EIF5B: variants seen among roughly 807,000 people sequenced by gnomAD.
The protein encoded by EIF5B is eukaryotic translation initiation factor 5B.
EIF5B carries 47 observed loss-of-function variants against 147.5 expected under a neutral mutation model. That is an observed-to-expected ratio of 0.32 (90% CI 0.25 to 0.41). The LOEUF (loss-of-function observed/expected upper bound fraction) is 0.41, where lower values mean the gene tolerates loss of function less well. Ranked by LOEUF, EIF5B falls within the 10% of genes least tolerant of loss-of-function variation. The pLI, the probability that EIF5B is intolerant of heterozygous loss-of-function variation, is 1.00. For synonymous variants in EIF5B, 455 were observed against 456.2 expected, an observed-to-expected ratio of 1.00 and a Z score of 0.03; for missense variants, 1,064 against 1,413.2, an observed-to-expected ratio of 0.75 and a Z score of 3.96.
At chr2:99,342,151 T>A (rs1574915775) in intron 1 of EIF5B, among the ~76,000 whole-genome samples, 1 of 152,220 alleles carries the variant, frequency 6.6e-6, no homozygotes, top group Non-Finnish European at 1.5e-5. Context: ...GTGCTGAGAA[T>A]GCTTGAGAAT....
Position 99,400,485 on chromosome 2 carries a change from A to T in EIF5B, c.*1071A>T, listed in dbSNP as rs1255863468. 4 of 152,230 alleles carry T rather than the reference A, an allele frequency of 2.6e-5. No homozygotes were observed. In the East Asian group the frequency reaches 7.7e-4, roughly 29 times the overall value. 9.4% of individuals were successfully genotyped at this position (152,230 alleles called of 1,614,324 possible). A position where few individuals can be genotyped will look rare whatever the true frequency, so the allele number is the denominator to read the frequency against. On this transcript the variant is annotated 3_prime_UTR_variant, in exon 24 of 24. Coordinates refer to ENST00000289371, the MANE Select transcript of EIF5B (RefSeq NM_015904.4). ...AAATATCCACTAGCATAGAATTTTA[A>T]ACTATTTTTATTTTAAAGTTATGGC... is the stretch of plus-strand genomic sequence containing the variant.
At chr2:99,378,029 T>C (rs911264601) in intron 10 of EIF5B, among the ~76,000 whole-genome samples, 4 of 152,188 alleles carry the variant, frequency 2.6e-5, no homozygotes, top group Non-Finnish European at 5.9e-5. Flanking sequence ...AATAAAGTCA[T>C]GATGTTTGAA....
intron 6 of EIF5B, among the ~76,000 whole-genome samples, chr2:99,365,125 A>G (rs1305462740): frequency 2.0e-5 from 3 of 152,200 alleles, no homozygotes; most frequent in Admixed American, 6.5e-5. Flanking sequence ...TCCTGCTCCT[A>G]TATTCCCTAG....
intron 12 of EIF5B, among the ~76,000 whole-genome samples, chr2:99,380,906 G>C (rs929358176): frequency 1.9e-4 from 29 of 152,238 alleles, no homozygotes; most frequent in Admixed American, 1.8e-3. Context: ...AAAGTCATTG[G>C]CCACATATAA....
intron 12 of EIF5B, 52 bp from the exon 13 acceptor site, chr2:99,382,107 A>C: frequency 6.7e-7 from 1 of 1,482,642 alleles, no homozygotes; most frequent in Non-Finnish European, 9.4e-7. Flanking sequence ...TCTGTAAAGA[A>C]GCTTTCATGT....
At chr2:99,387,472 A>C (rs1674837353) in intron 14 of EIF5B, among the ~76,000 whole-genome samples, 1 of 152,210 alleles carries the variant, frequency 6.6e-6, no homozygotes, top group Non-Finnish European at 1.5e-5. Flanking sequence ...TTAATTGACC[A>C]TATATGTCTG....
intron 1 of EIF5B, among the ~76,000 whole-genome samples, chr2:99,340,057 A>C (rs531323466): frequency 6.6e-6 from 1 of 152,310 alleles, no homozygotes; most frequent in South Asian, 2.1e-4. Context: ...GTGTGTATAA[A>C]TGCCTCATGG....
At chr2:99,389,566 CTGAAA>C in intron 14 of EIF5B, 147 bp from the exon 15 acceptor site, 1 of 578,200 alleles carries the variant, frequency 1.7e-6, no homozygotes, top group South Asian at 5.4e-5. Flanking sequence ...GATAAGCAGT[CTGAAA>C]GGAGCTTTTG....
intron 12 of EIF5B, among the ~76,000 whole-genome samples, chr2:99,380,285 C>T (rs1674661662): frequency 6.6e-6 from 1 of 152,068 alleles, no homozygotes; most frequent in Non-Finnish European, 1.5e-5. Flanking sequence ...CTCCTGTGCT[C>T]AAGTGATCCT....
At chr2:99,367,101 A>C (rs1003798812) in intron 6 of EIF5B, among the ~76,000 whole-genome samples, 4 of 152,250 alleles carry the variant, frequency 2.6e-5, no homozygotes, top group Admixed American at 1.3e-4. Context: ...ACATAGGAGG[A>C]TATCTTGTGT....
chr2:99,362,671 C>G (rs1326014761), intron 4 of EIF5B, among the ~76,000 whole-genome samples: 3 of 152,076 alleles, frequency 2.0e-5, no homozygotes, highest in Non-Finnish European at 4.4e-5. Context: ...TGCACTCCAG[C>G]CTGGGCAACA....
intron 1 of EIF5B, among the ~76,000 whole-genome samples, chr2:99,351,397 G>C (rs1321926927): frequency 6.6e-6 from 1 of 152,150 alleles, no homozygotes; most frequent in Non-Finnish European, 1.5e-5. Flanking sequence ...TCCTGATTTC[G>C]AGTAAAGCTG....
chr2:99,360,074 C>T (rs141621059), intron 1 of EIF5B, among the ~76,000 whole-genome samples, 162 bp from the exon 2 acceptor site: 1 of 152,258 alleles, frequency 6.6e-6, no homozygotes, highest in Non-Finnish European at 1.5e-5. Flanking sequence ...TGTAGGGAGG[C>T]TGATAAGTAG....
chr2:99,353,934 T>G (rs1293488080), intron 1 of EIF5B, among the ~76,000 whole-genome samples: 2 of 152,244 alleles, frequency 1.3e-5, no homozygotes, highest in Non-Finnish European at 2.9e-5. Flanking sequence ...ATTCACCTAT[T>G]AAAGGACATG....
chr2:99,346,278 A>AT (rs1249542300), intron 1 of EIF5B, among the ~76,000 whole-genome samples: 1 of 152,202 alleles, frequency 6.6e-6, no homozygotes, highest in Non-Finnish European at 1.5e-5. Context: ...TTGCTCCTGT[A>AT]TTGCCAATAA....
In EIF5B at chr2:99,399,323, T is replaced by C. The variant is rs757074915; in HGVS notation, c.3572T>C (p.Ile1191Thr). 1.9e-6 allele frequency: 3 copies of C among 1,614,130 alleles called. No individual in the cohort carries two copies. Among genetic ancestry groups the C allele is most frequent in the African/African-American group, 1.3e-5 (1 of 75,032 alleles). The part of the protein sequence containing the change: ...ILVSKISRQS[I>T]DALKDWFRDE... ...GCATTGCAGATCAGCCGGCAGTCCA[T>C]TGATGCACTCAAAGACTGGTTCAGA... Residue 1191 changes from isoleucine (I) to threonine (T), a missense_variant, in exon 24 of 24, where the codon ATT becomes ACT. Ile to Thr is a moderately conservative substitution (Grantham distance 89). Coordinates refer to ENST00000289371, the MANE Select transcript of EIF5B (RefSeq NM_015904.4).
At chr2:99,369,502 A>T (rs1674398582) in intron 8 of EIF5B, 21 bp downstream of exon 8, 1 of 1,573,466 alleles carries the variant, frequency 6.4e-7, no homozygotes. Context: ...TTATCTGATT[A>T]TTTAATTAGT....
chr2:99,378,719 T>C (rs555663458), intron 10 of EIF5B, among the ~76,000 whole-genome samples: 63 of 152,358 alleles, frequency 4.1e-4, no homozygotes, highest in African/African-American at 1.5e-3. Context: ...GTCATTATAT[T>C]CCATTAAAGT....
chr2:99,341,767 C>T (rs890938733), intron 1 of EIF5B, among the ~76,000 whole-genome samples: 2 of 152,162 alleles, frequency 1.3e-5, no homozygotes, highest in Non-Finnish European at 2.9e-5. Context: ...CACTATGATA[C>T]ATAACATTAT....
Sources: allele counts gnomAD v4.1 joint callset (sites outside exome capture counted in the v4.1 genomes callset), GRCh38; gene constraint gnomAD v4.1.1; transcripts MANE v1.5; gene names NCBI Gene and HGNC (gene_info 2026-07-23, HGNC 2026-07-21).